Variants in SORBS2 observed in about 807,000 individuals in gnomAD.
SORBS2 encodes sorbin and SH3 domain containing 2.
A neutral mutation model predicts 97.7 loss-of-function variants in SORBS2; 46 were observed. The observed-to-expected ratio is 0.47, with a 90% CI of 0.37 to 0.60. The LOEUF (loss-of-function observed/expected upper bound fraction) is 0.60. Among genes scored for constraint, SORBS2 ranks in the 20% least tolerant of loss-of-function variants. The pLI is 0.00. For synonymous variants in SORBS2, 476 were observed against 473.4 expected (o/e 1.01, Z -0.07); for missense variants, 1,316 against 1,282.3 (o/e 1.03, Z -0.40).
intron 1 of SORBS2, among the ~76,000 whole-genome samples, chr4:185,921,703 A>G (rs939419950): frequency 6.6e-6 from 1 of 152,218 alleles, no homozygotes; most frequent in Non-Finnish European, 1.5e-5. Context: ...TTACTTTTCC[A>G]CTATACAGCC....
chr4:185,723,236 A>G (rs964686927), intron 2 of SORBS2, among the ~76,000 whole-genome samples: 1 of 152,246 alleles, frequency 6.6e-6, no homozygotes, highest in African/African-American at 2.4e-5. Context: ...GACATAACAC[A>G]GATGGCTTCT....
At chr4:185,893,811 T>C (rs1469469934) in intron 1 of SORBS2, among the ~76,000 whole-genome samples, 1 of 152,154 alleles carries the variant, frequency 6.6e-6, no homozygotes. Flanking sequence ...TGTCTTGTTA[T>C]GTGGATAAAA....
At chr4:185,695,320 A>G (rs769615545) in intron 2 of SORBS2, among the ~76,000 whole-genome samples, 1 of 152,176 alleles carries the variant, frequency 6.6e-6, no homozygotes, top group Non-Finnish European at 1.5e-5. Flanking sequence ...AAGACCATGT[A>G]TGAAACTACA....
chr4:185,590,337 T>C (rs2095895596), intron 13 of SORBS2, among the ~76,000 whole-genome samples: 1 of 152,214 alleles, frequency 6.6e-6, no homozygotes, highest in South Asian at 2.1e-4. Context: ...TGTGAATTAC[T>C]ATACAAAGGA....
At chr4:185,765,103 A>T (rs2098926586) in intron 2 of SORBS2, among the ~76,000 whole-genome samples, 1 of 152,094 alleles carries the variant, frequency 6.6e-6, no homozygotes, top group South Asian at 2.1e-4. Context: ...AAACCACAAA[A>T]CTCATATGAT....
At chr4:185,931,978 GTCTCTC>G (rs71598510) in intron 1 of SORBS2, among the ~76,000 whole-genome samples, 6 of 140,008 alleles carry the variant, frequency 4.3e-5, no homozygotes, top group Non-Finnish European at 9.2e-5. Context: ...GGAAGAACCT[GTCTCTC>G]TCTCTCTCTC....
intron 12 of SORBS2, among the ~76,000 whole-genome samples, chr4:185,598,590 TTGAC>T (rs2096175844): frequency 6.6e-6 from 1 of 152,222 alleles, no homozygotes; most frequent in Non-Finnish European, 1.5e-5. Context: ...TAAAGAAGGA[TTGAC>T]TGTTACTTTA....
intron 5 of SORBS2, among the ~76,000 whole-genome samples, chr4:185,627,543 A>G (rs1019506445): frequency 2.0e-5 from 3 of 152,168 alleles, no homozygotes; most frequent in Non-Finnish European, 2.9e-5. Flanking sequence ...GGGCAGTTTT[A>G]GGCTTACAGA....
chr4:185,797,478 A>G (rs2099110402), intron 1 of SORBS2, among the ~76,000 whole-genome samples: 1 of 152,154 alleles, frequency 6.6e-6, no homozygotes, highest in Admixed American at 6.5e-5. Context: ...CTTTCCCTAA[A>G]GAATTAACCC....
chr4:185,932,895 C>T (rs1213913705), intron 1 of SORBS2: 2 of 152,210 alleles, frequency 1.3e-5, no homozygotes, highest in Non-Finnish European at 2.9e-5. Context: ...TATCCTTCTA[C>T]AATGTTTTCA....
At chr4:185,888,300 CAT>C (rs2099240720) in intron 1 of SORBS2, among the ~76,000 whole-genome samples, 2 of 152,174 alleles carry the variant, frequency 1.3e-5, no homozygotes, top group Middle Eastern at 3.4e-3. Context: ...AATGCAATCA[CAT>C]GTGTCCCTAG....
At chr4:185,692,528 A>G (rs1340817345) in intron 2 of SORBS2, among the ~76,000 whole-genome samples, 1 of 152,168 alleles carries the variant, frequency 6.6e-6, no homozygotes, top group East Asian at 1.9e-4. Context: ...CTCAACTCAC[A>G]ACTATTATTT....
intron 3 of SORBS2, 58 bp from the exon 7 acceptor site, chr4:185,678,605 T>A: frequency 6.9e-7 from 1 of 1,445,620 alleles, no homozygotes; most frequent in Non-Finnish European, 9.2e-7. Context: ...TAAACATTTT[T>A]TATAAAATTT....
At chr4:185,652,110 T>A (rs2097325339) in intron 2 of SORBS2, among the ~76,000 whole-genome samples, 1 of 152,140 alleles carries the variant, frequency 6.6e-6, no homozygotes, top group Non-Finnish European at 1.5e-5. Flanking sequence ...GTAGCTGGGA[T>A]TACAGGTGTG....
chr4:185,816,842 A>T (rs1449862053), intron 1 of SORBS2, among the ~76,000 whole-genome samples: 1 of 152,256 alleles, frequency 6.6e-6, no homozygotes, highest in Non-Finnish European at 1.5e-5. Context: ...ATAAGAACGT[A>T]AACATCAGCA....
At chr4:185,789,296 C>A (rs899195358) in intron 1 of SORBS2, among the ~76,000 whole-genome samples, 4 of 152,154 alleles carry the variant, frequency 2.6e-5, no homozygotes, top group Admixed American at 2.6e-4. Flanking sequence ...TGCCTTCCTT[C>A]TACTCTTAAG....
At position 185,684,893 on chromosome 4, in the gene SORBS2, G is replaced by T; in HGVS notation, c.-197-6071C>A. 1 of 1,394,056 alleles carries T rather than the reference G, an allele frequency of 7.2e-7. No homozygotes were observed. The highest frequency in any genetic ancestry group is 1.0e-6 in the Non-Finnish European group (1 of 1,003,676). The allele number at this position is 1,394,056 out of a possible 1,614,324, so 86.4% of individuals were successfully genotyped here. A position where few individuals can be genotyped will look rare whatever the true frequency, so the allele number is the denominator to read the frequency against. ...AGCAGAGGCCAAGGCAACGGGAAAAGCACGTGCAATATCATGCGTTTTAAG... is the reference window on the plus strand; with the variant it reads ...AGCAGAGGCCAAGGCAACGGGAAAATCACGTGCAATATCATGCGTTTTAAG... On this transcript the variant is annotated intron_variant, in intron 2 of 20. Transcript: ENST00000284776. The surrounding 1 kb of genome is among the most constrained non-coding windows in gnomAD (Gnocchi z 4.2).
chr4:185,817,565 A>G (rs1326853598), intron 1 of SORBS2, among the ~76,000 whole-genome samples: 1 of 152,230 alleles, frequency 6.6e-6, no homozygotes, highest in African/African-American at 2.4e-5. Context: ...CTGTGGCAGC[A>G]GTGGCCCCCA....
chr4:185,813,657 A>G (rs1029813167), intron 1 of SORBS2, among the ~76,000 whole-genome samples: 1 of 152,162 alleles, frequency 6.6e-6, no homozygotes, highest in African/African-American at 2.4e-5. Context: ...TGCTACTATT[A>G]AAAACCTTCT....
Sources: gnomAD v4.1 joint callset for allele counts (sites outside exome capture counted in the v4.1 genomes callset) on GRCh38, gnomAD v4.1.1 for gene constraint, Gnocchi (gnomAD v3.1) non-coding constraint, MANE v1.5 for transcripts, NCBI Gene and HGNC (gene_info 2026-07-23, HGNC 2026-07-21) for gene names.